KIAA0825: variants seen among roughly 807,000 people sequenced by gnomAD.
The protein encoded by KIAA0825 is uncharacterized protein KIAA0825.
A neutral mutation model predicts 147.6 loss-of-function variants in KIAA0825; 119 were observed. The observed-to-expected ratio is 0.81, with a 90% CI of 0.69 to 0.94. The LOEUF is 0.94. Ranked by LOEUF, KIAA0825 falls within the 40% of genes least tolerant of loss-of-function variation. KIAA0825 has a pLI of 0.00. For synonymous variants in KIAA0825, 470 were observed against 518.1 expected (o/e 0.91, Z 1.26); for missense variants, 1,381 against 1,472.7 (o/e 0.94, Z 1.02).
chr5:94,163,562 T>A (rs2149925788), intron 20 of KIAA0825, among the ~76,000 whole-genome samples: 1 of 152,286 alleles, frequency 6.6e-6, no homozygotes, highest in Non-Finnish European at 1.5e-5. Context: ...CATAACCAGC[T>A]TTGATGTAAA....
chr5:94,504,815 T>C (rs1422468631), intron 5 of KIAA0825, among the ~76,000 whole-genome samples: 1 of 149,564 alleles, frequency 6.7e-6, no homozygotes, highest in South Asian at 2.1e-4. Context: ...TGGCGTAATC[T>C]CGGCTTACTG....
rs373084039 is a variant in KIAA0825, at chr5:94,560,760, G to A, written c.-2+21673C>T. 2.6e-4 allele frequency among the ~76,000 whole-genome samples: 39 copies of A among 152,238 alleles called. 1 individual carries two copies. The South Asian group carries it at 8.1e-3, about 32-fold the overall frequency. ...CGTCTGCAACCAGTGTCGCAGATTT[G>A]GACATTATTTCTTGCTGAAAAACCT... On this transcript the variant is annotated intron_variant, in intron 2 of 20. Transcript: ENST00000682413.
At chr5:94,262,432 T>C (rs932371153) in intron 20 of KIAA0825, among the ~76,000 whole-genome samples, 12 of 152,160 alleles carry the variant, frequency 7.9e-5, no homozygotes, top group African/African-American at 2.9e-4. Flanking sequence ...ATCAGGCTTT[T>C]ACACTTACAG....
intron 8 of KIAA0825, among the ~76,000 whole-genome samples, chr5:94,472,528 A>G (rs1369240091): frequency 7.9e-5 from 12 of 152,058 alleles, no homozygotes; most frequent in Admixed American, 6.5e-4. Context: ...GGCGGATCAC[A>G]AGGTCGGAGA....
intron 20 of KIAA0825, among the ~76,000 whole-genome samples, chr5:94,357,250 A>T: frequency 6.6e-6 from 1 of 152,206 alleles, no homozygotes; most frequent in East Asian, 1.9e-4. Context: ...ACACGTTAAA[A>T]GTGGTTTTTC....
At chr5:94,357,142 T>TA (rs1021535526) in intron 20 of KIAA0825, among the ~76,000 whole-genome samples, 9 of 151,998 alleles carry the variant, frequency 5.9e-5, no homozygotes, top group East Asian at 3.9e-4. Flanking sequence ...TTCTTTTCGT[T>TA]AAAAAAAATA....
chr5:94,432,795 G>T (rs1270526896), intron 14 of KIAA0825, among the ~76,000 whole-genome samples: 1 of 152,134 alleles, frequency 6.6e-6, no homozygotes, highest in East Asian at 1.9e-4. Flanking sequence ...GGAAGCAAAG[G>T]TGGGAGGATT....
chr5:94,482,839 C>G (rs1423583358), intron 6 of KIAA0825, among the ~76,000 whole-genome samples: 1 of 151,940 alleles, frequency 6.6e-6, no homozygotes, highest in African/African-American at 2.4e-5. Context: ...TTATACTTGC[C>G]CCTTGAAATT....
chr5:94,473,426 T>G lies in KIAA0825; in HGVS notation c.1321A>C (p.Thr441Pro). The change falls in exon 8 of 21, where the codon ACA becomes CCA. Residue 441 changes from threonine (T) to proline (P), a missense_variant. Physicochemically the swap from Thr to Pro is conservative, Grantham distance 38 (BLOSUM62 -1). Coordinates refer to ENST00000682413, the MANE Select transcript of KIAA0825 (RefSeq NM_001145678.3). ...TTCTGTTCCTGTTGGAGAATTTTTG[T>G]GGAAAAACCTTCAATTGCAGTTACT... ...CVVTAIEGFS[T>P]KILQQEQNER... The G allele has an allele frequency of 6.4e-7, 1 of 1,551,984 alleles. No individual in the cohort carries two copies. Among genetic ancestry groups the G allele is most frequent in the Non-Finnish European group, 8.7e-7 (1 of 1,147,054 alleles).
intron 13 of KIAA0825, among the ~76,000 whole-genome samples, chr5:94,444,429 T>A (rs972696012): frequency 6.6e-6 from 1 of 152,050 alleles, no homozygotes; most frequent in South Asian, 2.1e-4. Context: ...TATCTGTAAC[T>A]CAAGAGATTC....
intron 20 of KIAA0825, among the ~76,000 whole-genome samples, chr5:94,322,871 A>T (rs115875516): frequency 6.6e-6 from 1 of 150,922 alleles, no homozygotes; most frequent in African/African-American, 2.4e-5. Flanking sequence ...ATTGATAATC[A>T]TAGATTGAGG....
chr5:94,300,682 A>T (rs1383122176), intron 20 of KIAA0825, among the ~76,000 whole-genome samples: 2 of 152,192 alleles, frequency 1.3e-5, no homozygotes, highest in African/African-American at 2.4e-5. Context: ...ATGAAGCTCA[A>T]AGGCTATGGC....
At chr5:94,465,084 C>A (rs1481770195) in intron 10 of KIAA0825, 25 bp from the exon 11 acceptor site, 2 of 1,542,494 alleles carry the variant, frequency 1.3e-6, no homozygotes, top group Non-Finnish European at 1.8e-6. Context: ...ACACGTTAAA[C>A]CATAGAGTTA....
intron 1 of KIAA0825, among the ~76,000 whole-genome samples, chr5:94,598,279 A>C (rs1448430189): frequency 6.6e-6 from 1 of 152,084 alleles, no homozygotes; most frequent in Admixed American, 6.6e-5. Flanking sequence ...TATTTTGTTA[A>C]AAAATAAGAA....
chr5:94,404,630 T>A (rs1751810694), intron 15 of KIAA0825, among the ~76,000 whole-genome samples: 1 of 152,120 alleles, frequency 6.6e-6, no homozygotes, highest in Non-Finnish European at 1.5e-5. Context: ...ACCCAAAATA[T>A]TAATTCTTCA....
chr5:94,292,799 G>A (rs921421391), intron 20 of KIAA0825, among the ~76,000 whole-genome samples: 4 of 152,022 alleles, frequency 2.6e-5, no homozygotes, highest in African/African-American at 9.7e-5. Flanking sequence ...ACTTGTTATT[G>A]GTCTATTCAG....
At chr5:94,429,492 G>A (rs186094916) in intron 14 of KIAA0825, among the ~76,000 whole-genome samples, 100 of 151,980 alleles carry the variant, frequency 6.6e-4, no homozygotes, top group African/African-American at 2.4e-3. Flanking sequence ...GTTTTATATT[G>A]GGCTGTGGAA....
intron 20 of KIAA0825, among the ~76,000 whole-genome samples, chr5:94,305,775 G>A (rs1309854635): frequency 6.6e-6 from 1 of 151,876 alleles, no homozygotes; most frequent in Non-Finnish European, 1.5e-5. Context: ...TATCATCAGA[G>A]ACTCAGTAAC....
intron 13 of KIAA0825, among the ~76,000 whole-genome samples, chr5:94,450,878 A>T (rs1263478517): frequency 6.6e-6 from 1 of 152,164 alleles, no homozygotes; most frequent in Admixed American, 6.5e-5. Flanking sequence ...CATCATCCTG[A>T]ACTGCTCTTC....
Sources: gnomAD v4.1 joint callset for allele counts (sites outside exome capture counted in the v4.1 genomes callset) on GRCh38, gnomAD v4.1.1 for gene constraint, MANE v1.5 for transcripts, NCBI Gene and HGNC (gene_info 2026-07-23, HGNC 2026-07-21) for gene names.